The following ANO5 variants were observed in gnomAD, a reference collection of about 807,000 sequenced individuals.
ANO5 encodes the protein anoctamin 5.
ANO5 carries 109 observed loss-of-function variants against 121.0 expected under a neutral mutation model. That is an observed-to-expected ratio of 0.90 (90% CI 0.77 to 1.06). The LOEUF (loss-of-function observed/expected upper bound fraction) is 1.06. Among genes scored for constraint, ANO5 ranks in the 50% least tolerant of loss-of-function variants. ANO5 has a pLI of 0.00. For missense variants in ANO5, 1,064 were observed against 1,078.5 expected (o/e 0.99, Z 0.19); for synonymous variants, 406 against 359.9 (o/e 1.13, Z -1.45).
At position 22,250,985 on chromosome 11, in the gene ANO5, T is replaced by C; in HGVS notation, c.1154T>C (p.Phe385Ser). Residue 385 changes from phenylalanine to serine, a missense_variant, in exon 12 of 22, where the codon TTC becomes TCC. Coordinates refer to ENST00000324559, the MANE Select transcript of ANO5 (RefSeq NM_213599.3). ...SHLFDNESTVFFAIFMGIWVT... is the reference protein window; with the variant it reads ...SHLFDNESTVSFAIFMGIWVT... ...TTGTTTGATAATGAGTCAACAGTGT[T>C]CTTTGCAATATTCATGGGAATTTGG... 6.2e-7 allele frequency: 1 copy of C among 1,612,372 alleles called. No individual in the cohort carries two copies. Among genetic ancestry groups the C allele is most frequent in the East Asian group, 2.2e-5 (1 of 44,790 alleles).
intron 21 of ANO5, chr11:22,278,143 C>T (rs897976920): frequency 6.6e-6 from 1 of 151,550 alleles, no homozygotes; most frequent in East Asian, 1.9e-4. Flanking sequence ...TTCTGACTCC[C>T]CAGTCTTTGT....
chr11:22,278,418 C>T lies in ANO5; in HGVS notation c.2521-1126C>T, dbSNP rs188712137. ...CTGGAACTGCTGTTATTCAGATTTA[C>T]ACTTCCTAGTTTGAAATTCTAATTA... On this transcript the variant is annotated intron_variant, in intron 21 of 21. Coordinates refer to ENST00000324559, the MANE Select transcript of ANO5 (RefSeq NM_213599.3). Among the ~76,000 whole-genome samples, 29 of 151,816 alleles carry T rather than the reference C, an allele frequency of 1.9e-4. No homozygotes were observed. The East Asian group carries it at 4.6e-3, about 24-fold the overall frequency.
chr11:22,250,717 A>G, intron 10 of ANO5, 24 bp from the exon 11 acceptor site: 2 of 1,606,328 alleles, frequency 1.2e-6, no homozygotes, highest in Non-Finnish European at 1.7e-6. Flanking sequence ...TCACTGTTCA[A>G]TAACTTTGCT....
At chr11:22,196,416 C>T (rs1454981059) in intron 1 of ANO5, among the ~76,000 whole-genome samples, 2 of 151,680 alleles carry the variant, frequency 1.3e-5, no homozygotes, top group East Asian at 1.9e-4. Context: ...AATACCATTA[C>T]AATGACAGTT....
intron 7 of ANO5, among the ~76,000 whole-genome samples, chr11:22,235,102 C>G (rs1402348078): frequency 6.6e-6 from 1 of 152,042 alleles, no homozygotes; most frequent in Non-Finnish European, 1.5e-5. Flanking sequence ...TAGTCCCTCT[C>G]CATCTTTTGC....
rs1292775820 is a variant in ANO5, at chr11:22,248,808, TTTAAG to T, written c.879-1422_879-1418del. 3.9e-5 allele frequency among the ~76,000 whole-genome samples: 6 copies of T among 152,060 alleles called. No homozygotes were observed. The East Asian group carries it at 9.6e-4, about 24-fold the overall frequency. ...TTTCCTTATGAATACTTAAAGAATT[TTTAAG>T]TTAAGTCTATAGCAATAATGTTGAT... On this transcript the variant is annotated intron_variant, in intron 9 of 21. Coordinates refer to ENST00000324559, the MANE Select transcript of ANO5 (RefSeq NM_213599.3).
At chr11:22,198,104 G>A (rs1196957568) in intron 1 of ANO5, among the ~76,000 whole-genome samples, 2 of 152,188 alleles carry the variant, frequency 1.3e-5, no homozygotes, top group African/African-American at 4.8e-5. Context: ...GTGAGAGGGA[G>A]CATGGTGTGT....
At chr11:22,238,534 G>A (rs11026473) in intron 8 of ANO5, among the ~76,000 whole-genome samples, 1,749 of 151,972 alleles carry the variant, frequency 0.012, 35 homozygotes, top group African/African-American at 0.04. Context: ...TGCAGTGTTA[G>A]GCACTGGATT....
chr11:22,260,710 T>C (rs113182599), intron 15 of ANO5, among the ~76,000 whole-genome samples: 6 of 152,162 alleles, frequency 3.9e-5, no homozygotes, highest in Non-Finnish European at 8.8e-5. Context: ...GAGTTATCTG[T>C]GTCTTTAAAA....
Position 22,253,667 on chromosome 11 carries a change from A to G in ANO5, c.1181-1704A>G, listed in dbSNP as rs551103316. On this transcript the variant is annotated intron_variant, in intron 12 of 21. Transcript: ENST00000324559. ...AAGTTTCTGCCTTACGAAATTCACA[A>G]CCAATATTAAATGATAGAATGAATA... 2.6e-5 allele frequency among the ~76,000 whole-genome samples: 4 copies of G among 152,326 alleles called. No homozygotes were observed. The East Asian group carries it at 7.7e-4, about 29-fold the overall frequency.
At chr11:22,262,379 A>C in intron 16 of ANO5, 81 bp downstream of exon 16, 1 of 1,478,786 alleles carries the variant, frequency 6.8e-7, no homozygotes, top group Non-Finnish European at 9.3e-7. Flanking sequence ...GCACTGATTC[A>C]CATGCTAAAA....
At position 22,283,211 on chromosome 11, in the gene ANO5, T is replaced by C. The variant is rs1466868564; in HGVS notation, c.*3446T>C. The C allele has an allele frequency of 6.6e-6, 1 of 152,128 alleles. No individual in the cohort carries two copies. Among genetic ancestry groups the C allele is most frequent in the Non-Finnish European group, 1.5e-5 (1 of 67,996 alleles). 9.4% of individuals were successfully genotyped at this position (152,128 alleles called of 1,614,324 possible). A position where few individuals can be genotyped will look rare whatever the true frequency, so the allele number is the denominator to read the frequency against. On this transcript the variant is annotated 3_prime_UTR_variant, in exon 22 of 22. Transcript: ENST00000324559. ...TGGTGTTAACACAGGAAATGAGTGC[T>C]CCTTTTTAAAATTTCTTTCTTCCAA...
At chr11:22,266,730 T>A (rs1854379599) in intron 17 of ANO5, among the ~76,000 whole-genome samples, 1 of 152,220 alleles carries the variant, frequency 6.6e-6, no homozygotes, top group Admixed American at 6.6e-5. Flanking sequence ...GTTATCTTTT[T>A]ATTTTTTAAT....
chr11:22,209,736 T>G (rs1246780503), intron 2 of ANO5, among the ~76,000 whole-genome samples: 1 of 151,926 alleles, frequency 6.6e-6, no homozygotes, highest in Non-Finnish European at 1.5e-5. Flanking sequence ...TTATTTTATT[T>G]TACATTCTGC....
At chr11:22,222,155 A>T (rs574212158) in intron 5 of ANO5, among the ~76,000 whole-genome samples, 1 of 151,932 alleles carries the variant, frequency 6.6e-6, no homozygotes, top group South Asian at 2.1e-4. Context: ...TATCTTGTTG[A>T]TTATACTGTG....
rs886048143 is a variant in ANO5, at chr11:22,282,971, A to G, written c.*3206A>G. The G allele has an allele frequency of 6.6e-6, 1 of 152,246 alleles. No homozygotes were observed. The highest frequency in any genetic ancestry group is 2.4e-5 in the African/African-American group (1 of 41,466). The allele number at this position is 152,246 out of a possible 1,614,324, so 9.4% of individuals were successfully genotyped here. On this transcript the variant is annotated 3_prime_UTR_variant, in exon 22 of 22. Transcript: ENST00000324559. ...TACAAGTCAGCCACAATGAGTCGGT[A>G]TAACTACTGTGTTATTCTTTTTCTA...
At chr11:22,240,371 C>T (rs1294053442) in intron 9 of ANO5, among the ~76,000 whole-genome samples, 1 of 151,942 alleles carries the variant, frequency 6.6e-6, no homozygotes, top group Admixed American at 6.6e-5. Context: ...TCTCTTGCTA[C>T]TATAGGCAGT....
In ANO5 at chr11:22,251,892, T is replaced by TG. The variant is rs1027976843; in HGVS notation, c.1180+883dup. On this transcript the variant is annotated intron_variant, in intron 12 of 21. Transcript: ENST00000324559. The stretch of plus-strand genomic sequence containing the variant: ...AATACCAAAAAAAATTAGCCAGGCG[T>TG]GGTGGCAGGTGCCTGTAGTTCCAGC... Among the ~76,000 whole-genome samples, 7 of 151,446 alleles carry TG rather than the reference T, an allele frequency of 4.6e-5. No individual in the cohort carries two copies. In the South Asian group the frequency reaches 6.3e-4, roughly 14 times the overall value.
In ANO5 at chr11:22,226,007, TA is replaced by T; in HGVS notation, c.320del (p.Asn107IlefsTer11). On this transcript the variant is annotated frameshift_variant, in exon 6 of 22. Transcript: ENST00000324559. LOFTEE classifies it high-confidence loss of function. ...AGGAAAGAAGAAAAGAGTTTGAAAC[TA>T]ATCTCAGAAAAACAGGTCTTGAGTT... Reference protein sequence around the residue: ...KAERRKEFETNLRKTGLELEI... With the variant: ...KAERRKEFETXLRKTGLELEI... 6.2e-7 allele frequency: 1 copy of T among 1,608,792 alleles called. No homozygotes were observed.
Sources: gnomAD v4.1 joint callset for allele counts (sites outside exome capture counted in the v4.1 genomes callset) on GRCh38, gnomAD v4.1.1 for gene constraint, MANE v1.5 for transcripts, NCBI Gene and HGNC (gene_info 2026-07-23, HGNC 2026-07-21) for gene names.